The following SYN3 variants were observed in gnomAD, a reference collection of about 807,000 sequenced individuals.
The protein encoded by SYN3 is synapsin III, also known as synapsin-3.
SYN3 carries 35 observed loss-of-function variants against 65.8 expected under a neutral mutation model. That is an observed-to-expected ratio of 0.53 (90% CI 0.41 to 0.70). The LOEUF (loss-of-function observed/expected upper bound fraction) is 0.70, where lower values mean the gene tolerates loss of function less well. Ranked by LOEUF, SYN3 falls within the 30% of genes least tolerant of loss-of-function variation. The pLI is 0.00. For synonymous variants in SYN3, 270 were observed against 292.9 expected (o/e 0.92, Z 0.80); for missense variants, 680 against 749.0 (o/e 0.91, Z 1.08).
intron 6 of SYN3, among the ~76,000 whole-genome samples, chr22:32,670,392 G>A (rs914614167): frequency 4.6e-5 from 7 of 152,180 alleles, no homozygotes; most frequent in African/African-American, 1.4e-4. Context: ...AGGCTATAGG[G>A]GGGAAAAGAT....
intron 7 of SYN3, among the ~76,000 whole-genome samples, chr22:32,557,966 T>G (rs2058527317): frequency 6.6e-6 from 1 of 152,228 alleles, no homozygotes; most frequent in Admixed American, 6.5e-5. Flanking sequence ...ACTGTGTTTT[T>G]CTCTCTTTTA....
At chr22:32,826,693 A>G (rs573120805) in intron 6 of SYN3, among the ~76,000 whole-genome samples, 1 of 152,264 alleles carries the variant, frequency 6.6e-6, no homozygotes, top group East Asian at 1.9e-4. Flanking sequence ...TAGTTAGCCT[A>G]TTTGAGCTGG....
chr22:32,939,621 A>G (rs1056084476), intron 3 of SYN3, among the ~76,000 whole-genome samples: 1 of 152,144 alleles, frequency 6.6e-6, no homozygotes, highest in Non-Finnish European at 1.5e-5. Flanking sequence ...CTCACAGTAC[A>G]TGCACTTTGG....
At chr22:32,864,473 C>A (rs1016628121) in intron 6 of SYN3, 1 of 159,818 alleles carries the variant, frequency 6.3e-6, no homozygotes, top group Non-Finnish European at 1.4e-5. Context: ...GTGAAGAGGA[C>A]ATGTAAGGAA....
intron 6 of SYN3, among the ~76,000 whole-genome samples, chr22:32,821,593 T>C (rs975863463): frequency 6.6e-6 from 1 of 152,192 alleles, no homozygotes; most frequent in Non-Finnish European, 1.5e-5. Flanking sequence ...AGAATTAAGA[T>C]GATCTCAGCT....
intron 6 of SYN3, among the ~76,000 whole-genome samples, chr22:32,753,036 G>T (rs2045180116): frequency 6.6e-6 from 1 of 152,118 alleles, no homozygotes; most frequent in African/African-American, 2.4e-5. Flanking sequence ...ACTTCCTCCT[G>T]GCAGTGAGCC....
chr22:32,902,674 A>G (rs2049793464), intron 4 of SYN3, among the ~76,000 whole-genome samples: 1 of 152,152 alleles, frequency 6.6e-6, no homozygotes, highest in Non-Finnish European at 1.5e-5. Flanking sequence ...AAGCAAATGC[A>G]AGGAGGATGG....
rs147511992 is a variant in SYN3 at position 32,512,016 on chromosome 22, C to T, written c.*1676G>A. Among the ~76,000 whole-genome samples the T allele has an allele frequency of 0.01, 1,575 of 152,290 alleles. 26 individuals are homozygous for T. The highest frequency in any genetic ancestry group is 0.035 in the African/African-American group (1,459 of 41,542). ...TACTGACCCAGTCTCCAGCCAATAG[C>T]CCGTCAAAAGCCAGCTTGAAGGCAG... On this transcript the variant is annotated 3_prime_UTR_variant, in exon 14 of 14. Coordinates refer to ENST00000358763, the MANE Select transcript of SYN3 (RefSeq NM_003490.4).
At chr22:32,849,375 C>T (rs2048154934) in intron 6 of SYN3, 10 of 1,278,004 alleles carry the variant, frequency 7.8e-6, no homozygotes, top group South Asian at 1.3e-5. Flanking sequence ...CAGAGGCTAG[C>T]GTGCCCGCCC....
At chr22:32,964,570 T>C (rs1237931835) in intron 3 of SYN3, among the ~76,000 whole-genome samples, 2 of 152,026 alleles carry the variant, frequency 1.3e-5, no homozygotes, top group Non-Finnish European at 2.9e-5. Context: ...GGAAAACAGG[T>C]AGACACAGGT....
chr22:32,733,416 C>T (rs891953505), intron 6 of SYN3, among the ~76,000 whole-genome samples: 38 of 152,310 alleles, frequency 2.5e-4, no homozygotes, highest in African/African-American at 7.9e-4. Flanking sequence ...CTAACAAAGA[C>T]GTCTTATCTT....
At chr22:32,976,033 G>A (rs1396484731) in intron 3 of SYN3, among the ~76,000 whole-genome samples, 1 of 152,194 alleles carries the variant, frequency 6.6e-6, no homozygotes, top group Non-Finnish European at 1.5e-5. Context: ...GTGCATGTGA[G>A]AAAATATAAA....
chr22:32,799,040 T>C (rs1388525124), intron 6 of SYN3, among the ~76,000 whole-genome samples: 1 of 152,200 alleles, frequency 6.6e-6, no homozygotes, highest in Non-Finnish European at 1.5e-5. Flanking sequence ...CCTAGCTTAT[T>C]AAGTGATGTT....
At chr22:32,555,342 A>T (rs1326415373) in intron 7 of SYN3, among the ~76,000 whole-genome samples, 1 of 152,212 alleles carries the variant, frequency 6.6e-6, no homozygotes, top group Non-Finnish European at 1.5e-5. Flanking sequence ...TCCTTCCCAG[A>T]AAGTGATTTG....
At chr22:32,856,095 T>C (rs1328044366) in intron 6 of SYN3, among the ~76,000 whole-genome samples, 1 of 152,208 alleles carries the variant, frequency 6.6e-6, no homozygotes, top group Non-Finnish European at 1.5e-5. Context: ...CTCCCAGGGC[T>C]CTTTTAAGGA....
chr22:32,637,046 T>C (rs931006716), intron 6 of SYN3, among the ~76,000 whole-genome samples: 1 of 152,212 alleles, frequency 6.6e-6, no homozygotes. Flanking sequence ...TGAGAACCAC[T>C]GAACTAGAAA....
intron 2 of SYN3, among the ~76,000 whole-genome samples, chr22:32,982,305 T>C (rs776303914): frequency 9.2e-5 from 14 of 152,134 alleles, no homozygotes; most frequent in Non-Finnish European, 2.1e-4. Flanking sequence ...AATAAAGCAG[T>C]CCTCATTTGT....
intron 3 of SYN3, among the ~76,000 whole-genome samples, chr22:32,947,309 T>C (rs1479067326): frequency 4.6e-5 from 7 of 152,222 alleles, no homozygotes; most frequent in Admixed American, 4.6e-4. Flanking sequence ...TGGCATACTT[T>C]ATAAGAAAGA....
intron 6 of SYN3, among the ~76,000 whole-genome samples, chr22:32,644,739 T>C (rs112774861): frequency 2.6e-5 from 4 of 152,260 alleles, no homozygotes; most frequent in African/African-American, 9.6e-5. Flanking sequence ...AAATCCCCTT[T>C]GGAAGAGCAG....
Sources: gnomAD v4.1 joint callset for allele counts (sites outside exome capture counted in the v4.1 genomes callset) on GRCh38, gnomAD v4.1.1 for gene constraint, MANE v1.5 for transcripts, NCBI Gene and HGNC (gene_info 2026-07-23, HGNC 2026-07-21) for gene names.